Variants in SSBP3 observed in about 807,000 individuals in gnomAD.
The protein encoded by SSBP3 is single-stranded DNA-binding protein 3.
SSBP3 carries 5 observed loss-of-function variants against 69.6 expected under a neutral mutation model. The ratio of observed to expected loss-of-function variants is 0.07; its 90% CI spans 0.04 to 0.15. The LOEUF (loss-of-function observed/expected upper bound fraction) is 0.15. Ranked by LOEUF, SSBP3 falls within the 10% of genes least tolerant of loss-of-function variation. The pLI is 1.00. For missense variants in SSBP3, 312 were observed against 534.0 expected, an observed-to-expected ratio of 0.58 and a Z score of 4.10; for synonymous variants, 196 against 193.4, an observed-to-expected ratio of 1.01 and a Z score of -0.11.
intron 4 of SSBP3, among the ~76,000 whole-genome samples, chr1:54,399,170 T>C (rs1378264555): frequency 2.0e-5 from 3 of 152,188 alleles, no homozygotes; most frequent in South Asian, 2.1e-4. Flanking sequence ...CAGAGATGAA[T>C]AGTTCACGGT....
At chr1:54,248,825 G>T (rs1336484659) in intron 9 of SSBP3, among the ~76,000 whole-genome samples, 1 of 152,180 alleles carries the variant, frequency 6.6e-6, no homozygotes, top group African/African-American at 2.4e-5. Flanking sequence ...CTACCCAGAG[G>T]AGTATAGGAA....
chr1:54,388,710 G>C (rs1225819984), intron 4 of SSBP3, among the ~76,000 whole-genome samples: 1 of 152,200 alleles, frequency 6.6e-6, no homozygotes, highest in African/African-American at 2.4e-5. Flanking sequence ...TCTGCAGATG[G>C]GAGCTGTTCA....
At chr1:54,407,118 G>A (rs1228146642), upstream of SSBP3, among the ~76,000 whole-genome samples, 1 of 152,116 alleles carries the variant, frequency 6.6e-6, no homozygotes, top group Non-Finnish European at 1.5e-5. Context: ...AAGTGGAGCC[G>A]CGCGAAAATG....
chr1:54,373,021 G>A (rs966638112), intron 4 of SSBP3, among the ~76,000 whole-genome samples: 1 of 152,202 alleles, frequency 6.6e-6, no homozygotes, highest in Non-Finnish European at 1.5e-5. Flanking sequence ...CCATGGCTGG[G>A]AATGATGAAG....
chr1:54,283,139 C>T (rs1001785151), intron 4 of SSBP3, among the ~76,000 whole-genome samples: 3 of 152,166 alleles, frequency 2.0e-5, no homozygotes, highest in South Asian at 2.1e-4. Context: ...TGGTGGTGGG[C>T]GCCTGCAATC....
chr1:54,307,542 G>T (rs1390173761), intron 4 of SSBP3, among the ~76,000 whole-genome samples: 1 of 152,212 alleles, frequency 6.6e-6, no homozygotes, highest in African/African-American at 2.4e-5. Flanking sequence ...TCAGGGGTGT[G>T]TGAACCAGAG....
chr1:54,227,088 C>T (rs1350153359), exon 18 of SSBP3: 32 of 1,576,836 alleles, frequency 2.0e-5, no homozygotes, highest in South Asian at 6.6e-5. Flanking sequence ...GGCATCTTCC[C>T]GCCTGCAATG....
chr1:54,243,153 T>C, intron 10 of SSBP3, 82 bp downstream of exon 10: 1 of 1,287,144 alleles, frequency 7.8e-7, no homozygotes, highest in African/African-American at 1.5e-5. Flanking sequence ...AATGACCCCT[T>C]ATCATGAGTC....
At chr1:54,325,761 G>C (rs995392642) in intron 4 of SSBP3, among the ~76,000 whole-genome samples, 1 of 152,096 alleles carries the variant, frequency 6.6e-6, no homozygotes, top group African/African-American at 2.4e-5. Flanking sequence ...AATTTGTCTC[G>C]ACTGCCGATG....
intron 4 of SSBP3, among the ~76,000 whole-genome samples, chr1:54,350,080 T>C (rs995161689): frequency 1.3e-5 from 2 of 152,238 alleles, no homozygotes; most frequent in South Asian, 2.1e-4. Flanking sequence ...CCTGGGACTA[T>C]GAAAACCCAC....
Position 54,282,072 on chromosome 1 carries a change from A to AATAATAATAATAATG in SSBP3, c.277-546_277-545insCATTATTATTATTAT, listed in dbSNP as rs1553130849. Among the ~76,000 whole-genome samples, 3 of 150,222 alleles carry AATAATAATAATAATG rather than the reference A, an allele frequency of 2.0e-5. No homozygotes were observed. In the East Asian group the frequency reaches 5.8e-4, roughly 29 times the overall value. On this transcript the variant is annotated intron_variant, in intron 4 of 17. Transcript: ENST00000610401. ...TAATAATAATAATAATAATAATAAT[A>AATAATAATAATAATG]AAAAAATGGGGGGACAATGTCCACC...
At chr1:54,277,475 A>T (rs1645310358) in intron 5 of SSBP3, among the ~76,000 whole-genome samples, 1 of 152,144 alleles carries the variant, frequency 6.6e-6, no homozygotes, top group Admixed American at 6.5e-5. Context: ...GTGGAAGAGC[A>T]CCCCATGAGG....
At position 54,226,905 on chromosome 1, in the gene SSBP3, A is replaced by T. The variant is rs1057333989; in HGVS notation, c.*226T>A. 9.2e-6 allele frequency: 5 copies of T among 544,206 alleles called. No homozygotes were observed. In the Admixed American group the frequency reaches 1.2e-4, roughly 13 times the overall value. The allele number at this position is 544,206 out of a possible 1,614,324, so 33.7% of individuals were successfully genotyped here. ...GTCACTGACTTGAAATACATTTTTG[A>T]GAGTTTTGTCCTTCTTGTTTTATGG... On this transcript the variant is annotated 3_prime_UTR_variant, in exon 18 of 18. Coordinates refer to ENST00000610401, the Ensembl canonical transcript of SSBP3.
intron 4 of SSBP3, among the ~76,000 whole-genome samples, chr1:54,379,734 C>T (rs994025051): frequency 2.6e-5 from 4 of 152,188 alleles, no homozygotes; most frequent in African/African-American, 9.6e-5. Flanking sequence ...TCCCTACTGC[C>T]ACCCACTCCT....
chr1:54,401,962 A>C lies in SSBP3; in HGVS notation c.192-17T>G. ...CAAAATACACTGCGAGGAGGAAAATAAAATAAGGTCAGGTTACTAATTATT... is the reference window on the plus strand; with the variant it reads ...CAAAATACACTGCGAGGAGGAAAATCAAATAAGGTCAGGTTACTAATTATT... On this transcript the variant is annotated splice_polypyrimidine_tract_variant and intron_variant, in intron 3 of 17. Transcript: ENST00000610401. 6.2e-7 allele frequency: 1 copy of C among 1,608,582 alleles called. No homozygotes were observed. The highest frequency in any genetic ancestry group is 2.2e-5 in the East Asian group (1 of 44,866).
intron 4 of SSBP3, among the ~76,000 whole-genome samples, chr1:54,349,727 A>C (rs889715219): frequency 1.3e-5 from 2 of 152,052 alleles, no homozygotes; most frequent in African/African-American, 2.4e-5. Context: ...CAAAAAAAAA[A>C]AAAATCAAAA....
At chr1:54,248,894 T>C (rs1644777446) in intron 9 of SSBP3, among the ~76,000 whole-genome samples, 1 of 152,192 alleles carries the variant, frequency 6.6e-6, no homozygotes, top group African/African-American at 2.4e-5. Flanking sequence ...GAGCAGGAGA[T>C]ATGCTTCCAG....
chr1:54,361,232 A>G (rs182170043), intron 4 of SSBP3, among the ~76,000 whole-genome samples: 57 of 152,308 alleles, frequency 3.7e-4, no homozygotes, highest in Admixed American at 2.9e-3. Flanking sequence ...GGGAGATGCT[A>G]ATTCAGGACA....
chr1:54,274,466 G>C (rs1390289384), intron 5 of SSBP3, among the ~76,000 whole-genome samples: 1 of 152,126 alleles, frequency 6.6e-6, no homozygotes, highest in Non-Finnish European at 1.5e-5. Flanking sequence ...GGAGGGCTAG[G>C]CTGGGCAGCC....
Sources: allele counts gnomAD v4.1 joint callset (sites outside exome capture counted in the v4.1 genomes callset), GRCh38; gene constraint gnomAD v4.1.1; transcripts MANE v1.5; gene names NCBI Gene and HGNC (gene_info 2026-07-23, HGNC 2026-07-21).